The following CFAP298 variants were observed in gnomAD, a reference collection of about 807,000 sequenced individuals.
CFAP298 encodes the protein cilia and flagella associated protein 298, also known as cilia- and flagella-associated protein 298.
A neutral mutation model predicts 41.0 loss-of-function variants in CFAP298; 38 were observed. The observed-to-expected ratio is 0.93, with a 90% CI of 0.72 to 1.22. The LOEUF (loss-of-function observed/expected upper bound fraction) is 1.22. Ranked by LOEUF, CFAP298 falls within the 50% of genes most tolerant of loss-of-function variation. CFAP298 has a pLI of 0.00. For synonymous variants in CFAP298, 137 were observed against 135.3 expected, an observed-to-expected ratio of 1.01 and a Z score of -0.09; for missense variants, 348 against 360.3, an observed-to-expected ratio of 0.97 and a Z score of 0.28.
intron 3 of CFAP298, chr21:32,604,573 GGA>G (rs2038825902): frequency 2.8e-6 from 1 of 360,484 alleles, no homozygotes; most frequent in Non-Finnish European, 5.2e-6. Flanking sequence ...GTGAGGATCG[GGA>G]GATACGGCAG....
At chr21:32,605,347 T>C (rs1052134965) in intron 3 of CFAP298, among the ~76,000 whole-genome samples, 43 of 152,208 alleles carry the variant, frequency 2.8e-4, no homozygotes, top group African/African-American at 1.0e-3. Flanking sequence ...TTGTTATTTA[T>C]AACGAGCCCC....
At chr21:32,609,571 C>T (rs938674267) in intron 2 of CFAP298, among the ~76,000 whole-genome samples, 3 of 152,334 alleles carry the variant, frequency 2.0e-5, no homozygotes, top group African/African-American at 7.2e-5. Flanking sequence ...TCGAGACCAG[C>T]CTGGCCAACA....
At position 32,612,249 on chromosome 21, in the gene CFAP298, T is replaced by G; in HGVS notation, c.-6A>C. On this transcript the variant is annotated 5_prime_UTR_variant, in exon 1 of 7. Coordinates refer to ENST00000290155, the MANE Select transcript of CFAP298 (RefSeq NM_021254.4). Reference sequence around the variant, plus strand: ...TTCACGTGCAGCAGAACCATGGCGGTCCCGCCGAGGTACTGAGGCGTTGAG... The same window carrying G: ...TTCACGTGCAGCAGAACCATGGCGGGCCCGCCGAGGTACTGAGGCGTTGAG... 6.2e-7 allele frequency: 1 copy of G among 1,600,634 alleles called. No individual in the cohort carries two copies. The highest frequency in any genetic ancestry group is 2.3e-5 in the East Asian group (1 of 44,316).
chr21:32,610,205 T>C (rs1307206837), intron 1 of CFAP298, among the ~76,000 whole-genome samples, 200 bp from the exon 2 acceptor site: 9 of 151,744 alleles, frequency 5.9e-5, no homozygotes, highest in African/African-American at 2.2e-4. Context: ...TCCTTGTCTT[T>C]TTTTTCTTTG....
At position 32,600,905 on chromosome 21, in the gene CFAP298, C is replaced by T. The variant is rs149769894; in HGVS notation, c.*958G>A. Among the ~76,000 whole-genome samples, 223 of 152,350 alleles carry T rather than the reference C, an allele frequency of 1.5e-3. No individual in the cohort carries two copies. Among genetic ancestry groups the T allele is most frequent in the Non-Finnish European group, 2.5e-3 (173 of 68,020 alleles). On this transcript the variant is annotated 3_prime_UTR_variant, in exon 7 of 7. Transcript: ENST00000290155. ...TAAGTTTCAAAGTCAGATGAGTTTG[C>T]TACTCAACCTTCATCATGGTTGTAG... is the stretch of plus-strand genomic sequence containing the variant.
At chr21:32,609,436 C>T (rs1224149825) in intron 2 of CFAP298, among the ~76,000 whole-genome samples, 1 of 152,132 alleles carries the variant, frequency 6.6e-6, no homozygotes, top group East Asian at 1.9e-4. Flanking sequence ...CTACAGAGTA[C>T]AGTATTTTGT....
Position 32,601,057 on chromosome 21 carries a change from C to T in CFAP298, c.*806G>A, listed in dbSNP as rs994731568. On this transcript the variant is annotated 3_prime_UTR_variant, in exon 7 of 7. Coordinates refer to ENST00000290155, the MANE Select transcript of CFAP298 (RefSeq NM_021254.4). ...GTTAAAGAAGGCTACAGTTAGACCC[C>T]GCAGCAGGGTTAAAGAAGGCTACAG... 2.0e-5 allele frequency among the ~76,000 whole-genome samples: 3 copies of T among 151,438 alleles called. No homozygotes were observed. The highest frequency in any genetic ancestry group is 4.9e-5 in the African/African-American group (2 of 40,796).
At chr21:32,606,620 G>A (rs1186341899) in intron 3 of CFAP298, among the ~76,000 whole-genome samples, 1 of 152,214 alleles carries the variant, frequency 6.6e-6, no homozygotes, top group Non-Finnish European at 1.5e-5. Context: ...CAGAGCTTCA[G>A]GGCAGCCTTT....
At chr21:32,603,654 T>C (rs2038803447) in intron 4 of CFAP298, among the ~76,000 whole-genome samples, 1 of 152,234 alleles carries the variant, frequency 6.6e-6, no homozygotes, top group Non-Finnish European at 1.5e-5. Context: ...CTTCTGCATA[T>C]TTCATTTATT....
rs763881106 is a variant in CFAP298, at chr21:32,612,217, G to A, written c.27C>T (p.Gly9=). The A allele has an allele frequency of 7.5e-6, 12 of 1,606,592 alleles. No homozygotes were observed. The highest frequency in any genetic ancestry group is 1.0e-5 in the Non-Finnish European group (12 of 1,176,388). MVLLHVKR[G]DESQFLLQAP... ...CCTGCAGCAGGAACTGGCTCTCGTCGCCCCGCTTCACGTGCAGCAGAACCA... is the reference window on the plus strand; with the variant it reads ...CCTGCAGCAGGAACTGGCTCTCGTCACCCCGCTTCACGTGCAGCAGAACCA... Residue 9 remains glycine (G), a synonymous_variant, in exon 1 of 7, where the codon GGC becomes GGT. Transcript: ENST00000290155.
chr21:32,609,837 C>T lies in CFAP298; in HGVS notation c.307+1G>A, dbSNP rs1203051114. 2 of 1,612,694 alleles carry T rather than the reference C, an allele frequency of 1.2e-6. No homozygotes were observed. Among genetic ancestry groups the T allele is most frequent in the East Asian group, 2.2e-5 (1 of 44,860 alleles). On this transcript the variant is annotated splice_donor_variant, in intron 2 of 6. Coordinates refer to ENST00000290155, the MANE Select transcript of CFAP298 (RefSeq NM_021254.4). LOFTEE classifies it high-confidence loss of function. The stretch of plus-strand genomic sequence containing the variant: ...CACATAGAAGAGAAATCCTCACTTA[C>T]CTTGCCCATTCCTTCGTCCAATATC...
In CFAP298 at chr21:32,601,758, A is replaced by G. The variant is rs2038743556; in HGVS notation, c.*105T>C. On this transcript the variant is annotated 3_prime_UTR_variant, in exon 7 of 7. Transcript: ENST00000290155. The stretch of plus-strand genomic sequence containing the variant: ...CTAAAAGAAAACTAGAAATGTTAAC[A>G]TCTTTTACAGAGGGCAGTAAGTGGC... 1.6e-6 allele frequency: 1 copy of G among 625,590 alleles called. No individual in the cohort carries two copies. The highest frequency in any genetic ancestry group is 2.8e-6 in the Non-Finnish European group (1 of 352,012). The allele number at this position is 625,590 out of a possible 1,614,324, so 38.8% of individuals were successfully genotyped here.
rs200410734 is a variant in CFAP298 at position 32,600,574 on chromosome 21, G to GA, written c.*1288dup. ...TAGGCACCAAAAGTCAAGCATGAGGGACTGCCACAGGCAGTCTGGCAGGTG... is the reference window on the plus strand; with the variant it reads ...TAGGCACCAAAAGTCAAGCATGAGGGAACTGCCACAGGCAGTCTGGCAGGTG... On this transcript the variant is annotated 3_prime_UTR_variant, in exon 7 of 7. Coordinates refer to ENST00000290155, the MANE Select transcript of CFAP298 (RefSeq NM_021254.4). Among the ~76,000 whole-genome samples, 15,202 of 152,320 alleles carry GA rather than the reference G, an allele frequency of 0.1. 917 individuals carry two copies. Among genetic ancestry groups the GA allele is most frequent in the African/African-American group, 0.16 (6,807 of 41,570 alleles).
rs71193198 is a variant in CFAP298, at chr21:32,611,318, CAT to C, written c.139+785_139+786del. ...CCCTGTCTCTCACACACACACATAC[CAT>C]ATATATATATATATATATAATTTAT... On this transcript the variant is annotated intron_variant, in intron 1 of 6. Coordinates refer to ENST00000290155, the MANE Select transcript of CFAP298 (RefSeq NM_021254.4). Among the ~76,000 whole-genome samples the C allele has an allele frequency of 7.7e-4, 88 of 114,762 alleles. 3 individuals carry two copies. Among genetic ancestry groups the C allele is most frequent in the African/African-American group, 1.5e-3 (35 of 23,558 alleles). The allele number at this position is 114,762 out of a possible 152,430, so 75.3% of individuals were successfully genotyped here.
Position 32,601,878 on chromosome 21 carries a change from C to A in CFAP298, c.858G>T (p.Lys286Asn), listed in dbSNP as rs145200240. The change falls in exon 7 of 7, where the codon AAG becomes AAT. Residue 286 changes from lysine to asparagine, a missense_variant. Coordinates refer to ENST00000290155, the MANE Select transcript of CFAP298 (RefSeq NM_021254.4). ...KRHFHGVKDI[K>N]WRPR ...CTGGTGAACTTCATCTTGGTCTCCA[C>A]TTTATGTCTTTCACTCCATGAAAAT... The A allele has an allele frequency of 3.1e-5, 49 of 1,606,528 alleles. No individual in the cohort carries two copies. The highest frequency in any genetic ancestry group is 4.0e-5 in the Non-Finnish European group (47 of 1,173,690).
At position 32,604,528 on chromosome 21, in the gene CFAP298, GGAGA is replaced by G. The variant is rs541822757; in HGVS notation, c.376-249_376-246del. 465 of 488,214 alleles carry G rather than the reference GGAGA, an allele frequency of 9.5e-4. 4 individuals carry two copies. Among genetic ancestry groups the G allele is most frequent in the African/African-American group, 8.0e-3 (415 of 51,640 alleles). 30.2% of individuals were successfully genotyped at this position (488,214 alleles called of 1,614,324 possible). On this transcript the variant is annotated intron_variant, in intron 3 of 6. Transcript: ENST00000290155. ...CAATGAAGTGCAAAGAATTCTCAAA[GGAGA>G]AAGAGCCCAATGCTGGCAGCACAGA... is the stretch of plus-strand genomic sequence containing the variant.
Position 32,607,697 on chromosome 21 carries a change from C to G in CFAP298, c.327G>C (p.Lys109Asn). Residue 109 changes from lysine (K) to asparagine (N), a missense_variant, in exon 3 of 7, where the codon AAG (lysine) becomes AAC (asparagine). Transcript: ENST00000290155. ...RNGQAPNEKMKQVLKKTIEEA... is the reference protein window; with the variant it reads ...RNGQAPNEKMNQVLKKTIEEA... ...CTTCTATAGTCTTCTTTAACACTTG[C>G]TTCATCTTCTCATTTGGAGCTATAA... The G allele has an allele frequency of 6.3e-7, 1 of 1,597,938 alleles. No individual in the cohort carries two copies. The highest frequency in any genetic ancestry group is 1.1e-5 in the South Asian group (1 of 89,312).
intron 2 of CFAP298, 112 bp from the exon 3 acceptor site, chr21:32,607,828 G>A (rs971212698): frequency 6.0e-6 from 4 of 663,190 alleles, no homozygotes; most frequent in African/African-American, 1.9e-5. Flanking sequence ...GAGAGAGAGT[G>A]CGAGTGTGGA....
intron 1 of CFAP298, among the ~76,000 whole-genome samples, chr21:32,611,338 T>TATATATATATATATATATATATATAAAA (rs954890218): frequency 1.5e-5 from 2 of 132,352 alleles, no homozygotes; most frequent in South Asian, 4.9e-4. Context: ...TATATATATA[T>TATATATATATATATATATATATATAAAA]AATTTATTTA....
Sources: allele counts gnomAD v4.1 joint callset (sites outside exome capture counted in the v4.1 genomes callset), GRCh38; gene constraint gnomAD v4.1.1; transcripts MANE v1.5; gene names NCBI Gene and HGNC (gene_info 2026-07-23, HGNC 2026-07-21).